The following STAT5B variants were observed in gnomAD, a reference collection of about 807,000 sequenced individuals.
STAT5B encodes the protein signal transducer and activator of transcription 5B.
A neutral mutation model predicts 107.8 loss-of-function variants in STAT5B; 21 were observed. That is an observed-to-expected ratio of 0.19 (90% CI 0.14 to 0.28). The LOEUF is 0.28. Among genes scored for constraint, STAT5B ranks in the 10% least tolerant of loss-of-function variants. The probability of loss-of-function intolerance (pLI) is 1.00; values close to 1 mark genes in which losing one functional copy is unlikely to be tolerated. For missense variants in STAT5B, 565 were observed against 1,008.2 expected, an observed-to-expected ratio of 0.56 and a Z score of 5.95; for synonymous variants, 325 against 401.7, an observed-to-expected ratio of 0.81 and a Z score of 2.28.
At chr17:42,255,357 G>A (rs1031127848) in intron 1 of STAT5B, among the ~76,000 whole-genome samples, 4 of 152,172 alleles carry the variant, frequency 2.6e-5, no homozygotes, top group African/African-American at 9.7e-5. Flanking sequence ...TACAGATGAG[G>A]AATCACATTT....
chr17:42,234,048 A>G (rs1389976106), intron 1 of STAT5B: 1 of 152,194 alleles, frequency 6.6e-6, no homozygotes, highest in African/African-American at 2.4e-5. Flanking sequence ...CTTGAATTCC[A>G]TCCCACATGA....
At chr17:42,219,221 G>A (rs1279307872) in intron 7 of STAT5B, 91 bp downstream of exon 7, 23 of 1,477,748 alleles carry the variant, frequency 1.6e-5, no homozygotes, top group Admixed American at 2.2e-5. Context: ...GATGGAGGGG[G>A]CCTGCTGCAG....
At position 42,201,841 on chromosome 17, in the gene STAT5B, T is replaced by C. The variant is rs372909572; in HGVS notation, c.2261A>G (p.Asp754Gly). The change falls in exon 19 of 19, where the codon GAT becomes GGT. Residue 754 changes from aspartate to glycine, a missense_variant. Physicochemically the swap from Asp to Gly is moderately conservative, Grantham distance 94. Coordinates refer to ENST00000293328, the MANE Select transcript of STAT5B (RefSeq NM_012448.4). ...PQNPDSVLDT[D>G]GDFDLEDTMD... ...TGTGTCCTCCAGATCGAAGTCCCCATCGGTGTCAAGGACTGAGTCAGGGCT... is the reference window on the plus strand; with the variant it reads ...TGTGTCCTCCAGATCGAAGTCCCCACCGGTGTCAAGGACTGAGTCAGGGCT... 5.0e-6 allele frequency: 8 copies of C among 1,613,718 alleles called. No homozygotes were observed. Among genetic ancestry groups the C allele is most frequent in the Non-Finnish European group, 6.8e-6 (8 of 1,179,964 alleles).
intron 4 of STAT5B, among the ~76,000 whole-genome samples, chr17:42,224,186 G>GA (rs1317665288): frequency 1.3e-5 from 2 of 152,258 alleles, no homozygotes; most frequent in East Asian, 1.9e-4. Context: ...AGGGGCTAGG[G>GA]AAAAGTCTTT....
At chr17:42,244,082 CTTTT>C (rs1007899245) in intron 1 of STAT5B, among the ~76,000 whole-genome samples, 9 of 141,202 alleles carry the variant, frequency 6.4e-5, no homozygotes, top group African/African-American at 2.5e-4. Context: ...TTTTTTCTTT[CTTTT>C]CTTTTCTTTT....
Position 42,227,912 on chromosome 17 carries a change from A to T in STAT5B, c.129-227T>A, listed in dbSNP as rs546334648. Among the ~76,000 whole-genome samples the T allele has an allele frequency of 2.8e-3, 431 of 152,206 alleles. 3 individuals are homozygous for T. Among genetic ancestry groups the T allele is most frequent in the African/African-American group, 8.4e-3 (347 of 41,522 alleles). On this transcript the variant is annotated intron_variant, in intron 2 of 18. Coordinates refer to ENST00000293328, the MANE Select transcript of STAT5B (RefSeq NM_012448.4). ...AGATTTCCTTCTTTTAAAAAAAAAAATTTTTAACAATGTGCTGCCCTTCTT... is the reference window on the plus strand; with the variant it reads ...AGATTTCCTTCTTTTAAAAAAAAAATTTTTTAACAATGTGCTGCCCTTCTT...
At chr17:42,249,941 C>T (rs892161444) in intron 1 of STAT5B, among the ~76,000 whole-genome samples, 2 of 152,132 alleles carry the variant, frequency 1.3e-5, no homozygotes, top group East Asian at 1.9e-4. Flanking sequence ...GGATGACAGG[C>T]GTGAGCCACT....
chr17:42,260,212 G>A (rs372178004), intron 1 of STAT5B, among the ~76,000 whole-genome samples: 2 of 152,266 alleles, frequency 1.3e-5, no homozygotes, highest in Admixed American at 6.5e-5. Flanking sequence ...CTTTCAGTAC[G>A]TTTGGAACAC....
intron 1 of STAT5B, among the ~76,000 whole-genome samples, chr17:42,262,636 A>G (rs992177758): frequency 6.6e-6 from 1 of 151,582 alleles, no homozygotes; most frequent in African/African-American, 2.4e-5. Flanking sequence ...GAAGGGGAAA[A>G]GCCAATGCAG....
chr17:42,221,097 T>C (rs1458175816), intron 5 of STAT5B, among the ~76,000 whole-genome samples: 14 of 152,112 alleles, frequency 9.2e-5, no homozygotes, highest in African/African-American at 3.1e-4. Flanking sequence ...ACCCATGGGA[T>C]GCACAAGCTG....
At chr17:42,231,225 C>T (rs2080314893) in intron 2 of STAT5B, among the ~76,000 whole-genome samples, 1 of 152,130 alleles carries the variant, frequency 6.6e-6, no homozygotes, top group African/African-American at 2.4e-5. Context: ...AGGCTGGCCT[C>T]AAACTGCTGG....
intron 1 of STAT5B, among the ~76,000 whole-genome samples, chr17:42,233,188 A>G (rs1008893179): frequency 3.9e-5 from 6 of 152,158 alleles, no homozygotes; most frequent in Non-Finnish European, 5.9e-5. Context: ...TTTTGACTTC[A>G]GAAATATAAT....
chr17:42,262,599 C>T (rs1444450806), intron 1 of STAT5B, among the ~76,000 whole-genome samples: 3 of 151,206 alleles, frequency 2.0e-5, no homozygotes, highest in East Asian at 3.9e-4. Flanking sequence ...AAATCCATAG[C>T]CTAGCAGCCT....
chr17:42,281,341 G>A (rs901423062), upstream of STAT5B, among the ~76,000 whole-genome samples: 5 of 152,144 alleles, frequency 3.3e-5, no homozygotes, highest in Non-Finnish European at 5.9e-5. Flanking sequence ...CTCCAGAAGG[G>A]CCCTGGGGGA....
chr17:42,280,215 G>T (rs1441115400), upstream of STAT5B, among the ~76,000 whole-genome samples: 1 of 152,094 alleles, frequency 6.6e-6, no homozygotes, highest in African/African-American at 2.4e-5. Context: ...CCACTGGAGG[G>T]TCTCATCCCT....
At chr17:42,244,154 C>T (rs1227298448) in intron 1 of STAT5B, among the ~76,000 whole-genome samples, 6 of 150,048 alleles carry the variant, frequency 4.0e-5, no homozygotes, top group Non-Finnish European at 5.9e-5. Flanking sequence ...ATGGCGTAAT[C>T]ACTGCTCACT....
chr17:42,202,628 A>G lies in STAT5B; in HGVS notation c.2129+129T>C, dbSNP rs566875963. On this transcript the variant is annotated intron_variant, in intron 17 of 18. Transcript: ENST00000293328. ...GTACTGGCATAGCATCACCAAGCCC[A>G]GGTCCTTCCCCAGGGCTGAGACAGT... 3.5e-4 allele frequency: 541 copies of G among 1,532,820 alleles called. 8 individuals are homozygous for G. In the South Asian group the frequency reaches 5.9e-3, roughly 17 times the overall value. The allele number at this position is 1,532,820 out of a possible 1,614,324, so 95.0% of individuals were successfully genotyped here.
At chr17:42,218,679 G>A (rs549722309) in intron 8 of STAT5B, 44 bp downstream of exon 8, 1 of 1,611,942 alleles carries the variant, frequency 6.2e-7, no homozygotes, top group Admixed American at 1.7e-5. Flanking sequence ...ACGCAGGCAG[G>A]AGCTGCCCCA....
In STAT5B at chr17:42,212,199, G is replaced by A. The variant is rs1354104888; in HGVS notation, c.1474-9C>T. On this transcript the variant is annotated splice_polypyrimidine_tract_variant and intron_variant, in intron 12 of 18. Transcript: ENST00000293328. ...GCAAATGGCACCCTGCCCTGAGAGG[G>A]AGAGAGGCCAGAATCTGATGAGAAA... 1.1e-5 allele frequency: 18 copies of A among 1,614,054 alleles called. No individual in the cohort carries two copies. Among genetic ancestry groups the A allele is most frequent in the Non-Finnish European group, 1.4e-5 (17 of 1,180,030 alleles).
Sources: allele counts gnomAD v4.1 joint callset (sites outside exome capture counted in the v4.1 genomes callset), GRCh38; gene constraint gnomAD v4.1.1; transcripts MANE v1.5; gene names NCBI Gene and HGNC (gene_info 2026-07-23, HGNC 2026-07-21).